TRAPPC3L: variants seen among roughly 807,000 people sequenced by gnomAD.
TRAPPC3L encodes trafficking protein particle complex subunit 3L.
TRAPPC3L carries 23 observed loss-of-function variants against 23.7 expected under a neutral mutation model. That is an observed-to-expected ratio of 0.97 (90% CI 0.70 to 1.37). The LOEUF (loss-of-function observed/expected upper bound fraction) is 1.37. Ranked by LOEUF, TRAPPC3L falls within the 40% of genes most tolerant of loss-of-function variation. The pLI is 0.00. For missense variants in TRAPPC3L, 212 were observed against 216.8 expected (o/e 0.98, Z 0.14); for synonymous variants, 81 against 77.9 (o/e 1.04, Z -0.21).
chr6:116,531,998 G>T (rs369460717), intron 3 of TRAPPC3L, among the ~76,000 whole-genome samples: 1 of 152,132 alleles, frequency 6.6e-6, no homozygotes, highest in East Asian at 1.9e-4. Context: ...TTATTGTCCT[G>T]TTCAGGATCC....
chr6:116,509,224 G>A (rs2115161807), intron 3 of TRAPPC3L, among the ~76,000 whole-genome samples: 1 of 152,098 alleles, frequency 6.6e-6, no homozygotes, highest in South Asian at 2.1e-4. Flanking sequence ...TATATGCCAT[G>A]CTCCTGGATT....
At chr6:116,508,801 A>G (rs1350383917) in intron 3 of TRAPPC3L, among the ~76,000 whole-genome samples, 1 of 152,188 alleles carries the variant, frequency 6.6e-6, no homozygotes, top group Non-Finnish European at 1.5e-5. Flanking sequence ...CACCACTTCT[A>G]TTCAACACAG....
chr6:116,525,496 G>C (rs1198143792), intron 3 of TRAPPC3L, among the ~76,000 whole-genome samples: 1 of 152,138 alleles, frequency 6.6e-6, no homozygotes, highest in South Asian at 2.1e-4. Flanking sequence ...GTTTATAAAA[G>C]ATTTCAAATA....
intron 4 of TRAPPC3L, among the ~76,000 whole-genome samples, chr6:116,497,995 CTT>C (rs1426176938): frequency 6.6e-6 from 1 of 152,186 alleles, no homozygotes; most frequent in Non-Finnish European, 1.5e-5. Flanking sequence ...TGGGCCCGGC[CTT>C]GCAATGCCTA....
At chr6:116,510,689 A>G (rs919085232) in intron 3 of TRAPPC3L, among the ~76,000 whole-genome samples, 3 of 152,086 alleles carry the variant, frequency 2.0e-5, no homozygotes, top group African/African-American at 4.8e-5. Context: ...AAGTCATTAT[A>G]TATTAAAAAA....
intron 3 of TRAPPC3L, among the ~76,000 whole-genome samples, chr6:116,510,142 G>A (rs561639080): frequency 1.3e-5 from 2 of 152,274 alleles, no homozygotes; most frequent in African/African-American, 4.8e-5. Context: ...CCTTATTCCA[G>A]TAATAATGGC....
chr6:116,545,372 A>C, intron 1 of TRAPPC3L, 101 bp downstream of exon 1: 1 of 967,984 alleles, frequency 1.0e-6, no homozygotes, highest in African/African-American at 1.7e-5. Context: ...TCTTTCCTCC[A>C]CTAAAAATTC....
rs533549995 is a variant in TRAPPC3L, at chr6:116,512,628, C to G, written c.241-11962G>C. ...ATTATTTACATTCAAGTTGTTTTCT[C>G]AAACACACACATGTATTATTCATCT... On this transcript the variant is annotated intron_variant, in intron 3 of 4. Transcript: ENST00000368602. Among the ~76,000 whole-genome samples, 27 of 152,318 alleles carry G rather than the reference C, an allele frequency of 1.8e-4. No individual in the cohort carries two copies. In the South Asian group the frequency reaches 5.4e-3, roughly 30 times the overall value.
intron 4 of TRAPPC3L, among the ~76,000 whole-genome samples, chr6:116,497,920 G>T (rs1771857103): frequency 1.3e-5 from 2 of 152,148 alleles, no homozygotes; most frequent in Non-Finnish European, 2.9e-5. Context: ...CTCTCACTAA[G>T]AATTCCTTAG....
At chr6:116,507,369 A>G (rs1772023798) in intron 3 of TRAPPC3L, among the ~76,000 whole-genome samples, 1 of 152,158 alleles carries the variant, frequency 6.6e-6, no homozygotes, top group African/African-American at 2.4e-5. Context: ...GTAGCTGGCC[A>G]TTATCTGTGG....
intron 3 of TRAPPC3L, among the ~76,000 whole-genome samples, chr6:116,504,146 GAAGAA>G (rs1771966285): frequency 6.6e-6 from 1 of 151,944 alleles, no homozygotes; most frequent in African/African-American, 2.4e-5. Flanking sequence ...GACTAATAAA[GAAGAA>G]AAGACAGAAT....
At chr6:116,516,332 C>A in intron 3 of TRAPPC3L, 1 of 185,338 alleles carries the variant, frequency 5.4e-6, no homozygotes. Flanking sequence ...GGGGCAGAAG[C>A]AATGGCTTGT....
intron 1 of TRAPPC3L, among the ~76,000 whole-genome samples, chr6:116,544,686 TG>T (rs1229023149): frequency 1.3e-5 from 2 of 152,102 alleles, no homozygotes; most frequent in Non-Finnish European, 2.9e-5. Flanking sequence ...TTTTAGCACT[TG>T]AGAGTCCCAC....
intron 3 of TRAPPC3L, chr6:116,519,801 C>A (rs1772296534): frequency 6.6e-6 from 1 of 152,152 alleles, no homozygotes. Flanking sequence ...TGATTCTGTC[C>A]AATTTATCCC....
chr6:116,514,313 C>T (rs969745573), intron 3 of TRAPPC3L, among the ~76,000 whole-genome samples: 1 of 152,134 alleles, frequency 6.6e-6, no homozygotes, highest in Non-Finnish European at 1.5e-5. Flanking sequence ...AAGAGGAAGA[C>T]AGACGATGAA....
In TRAPPC3L at chr6:116,540,377, C is replaced by G. The variant is rs747079359; in HGVS notation, c.226G>C (p.Asp76His). 7 of 1,551,036 alleles carry G rather than the reference C, an allele frequency of 4.5e-6. 1 individual carries two copies. Among genetic ancestry groups the G allele is most frequent in the Middle Eastern group, 1.7e-4 (1 of 5,986 alleles). ...GRCHSYSEIIDIIAQVAFKMY... is the reference protein window; with the variant it reads ...GRCHSYSEIIHIIAQVAFKMY... ...AACATAGTTACCTGGGCAATTATGT[C>G]TATAATTTCTGAATAACTATGGCAT... The change falls in exon 3 of 5, where the codon GAC becomes CAC. Residue 76 changes from aspartate (D) to histidine (H), a missense_variant. Asp to His is a moderately conservative substitution (Grantham distance 81). Transcript: ENST00000368602.
chr6:116,541,477 C>G (rs984702409), intron 2 of TRAPPC3L, among the ~76,000 whole-genome samples: 16 of 152,106 alleles, frequency 1.1e-4, no homozygotes, highest in Non-Finnish European at 2.1e-4. Flanking sequence ...TCCAGAGGCT[C>G]TAAAAAGAGA....
At chr6:116,504,216 A>G (rs1482576540) in intron 3 of TRAPPC3L, among the ~76,000 whole-genome samples, 1 of 152,248 alleles carries the variant, frequency 6.6e-6, no homozygotes, top group Admixed American at 6.5e-5. Flanking sequence ...CCAATCCCAC[A>G]GAAATACAAA....
chr6:116,530,480 T>C (rs1772631463), intron 3 of TRAPPC3L, among the ~76,000 whole-genome samples: 1 of 152,206 alleles, frequency 6.6e-6, no homozygotes, highest in Admixed American at 6.5e-5. Flanking sequence ...AATTGGTTCC[T>C]TTATAAGAAG....
Sources: allele counts gnomAD v4.1 joint callset (sites outside exome capture counted in the v4.1 genomes callset), GRCh38; gene constraint gnomAD v4.1.1; transcripts MANE v1.5; gene names NCBI Gene and HGNC (gene_info 2026-07-23, HGNC 2026-07-21).